The following DRAM2 variants were observed in gnomAD, a reference collection of about 807,000 sequenced individuals.
DRAM2 encodes the protein DNA damage regulated autophagy modulator 2.
In DRAM2, 26 loss-of-function variants were observed where a neutral mutation model predicts 33.5. The observed-to-expected ratio is 0.78, with a 90% CI of 0.57 to 1.08. DRAM2 has a LOEUF of 1.08. Ranked by LOEUF, DRAM2 falls within the 50% of genes least tolerant of loss-of-function variation. The pLI is 0.00. For synonymous variants in DRAM2, 98 were observed against 109.5 expected, an observed-to-expected ratio of 0.89 and a Z score of 0.66; for missense variants, 311 against 318.1, an observed-to-expected ratio of 0.98 and a Z score of 0.17.
chr1:111,126,346 A>G, intron 4 of DRAM2, 52 bp from the exon 5 acceptor site: 1 of 1,058,168 alleles, frequency 9.5e-7, no homozygotes, highest in Non-Finnish European at 1.5e-6. Context: ...ATAAACACAT[A>G]TATTTCTTCT....
intron 5 of DRAM2, 141 bp from the exon 6 acceptor site, chr1:111,125,022 A>C: frequency 1.2e-6 from 1 of 822,330 alleles, no homozygotes; most frequent in Non-Finnish European, 1.8e-6. Flanking sequence ...AAAAAGAAAA[A>C]AAAAAACAAA....
At chr1:111,132,090 A>C (rs1478567834) in intron 3 of DRAM2, among the ~76,000 whole-genome samples, 1 of 152,222 alleles carries the variant, frequency 6.6e-6, no homozygotes, top group East Asian at 1.9e-4. Context: ...CACAGGAAAG[A>C]CCAAGGCATA....
At chr1:111,133,877 C>T (rs1339292150) in intron 3 of DRAM2, among the ~76,000 whole-genome samples, 3 of 152,214 alleles carry the variant, frequency 2.0e-5, no homozygotes, top group Admixed American at 6.5e-5. Flanking sequence ...CTCAATCTTT[C>T]CAGCTTCAGC....
intron 3 of DRAM2, among the ~76,000 whole-genome samples, chr1:111,133,060 C>T (rs964000797): frequency 6.6e-6 from 1 of 152,112 alleles, no homozygotes; most frequent in Non-Finnish European, 1.5e-5. Context: ...AGTAATCCTT[C>T]TAACTTCAAA....
At chr1:111,128,636 C>T (rs2101065980) in intron 4 of DRAM2, among the ~76,000 whole-genome samples, 1 of 152,264 alleles carries the variant, frequency 6.6e-6, no homozygotes, top group East Asian at 1.9e-4. Flanking sequence ...TGCTTTAAAT[C>T]ATCTCTAGAT....
rs1458063074 is a variant in DRAM2 at position 111,120,665 on chromosome 1, C to T, written c.368G>A (p.Ser123Asn). 2 of 1,573,292 alleles carry T rather than the reference C, an allele frequency of 1.3e-6. No homozygotes were observed. The highest frequency in any genetic ancestry group is 2.4e-5 in the South Asian group (2 of 84,854). The change falls in exon 7 of 10, where the codon AGT (serine) becomes AAT (asparagine). Residue 123 changes from serine (S) to asparagine (N), a missense_variant. Physicochemically the swap from Ser to Asn is conservative, Grantham distance 46 (BLOSUM62 1). Transcript: ENST00000484310. ...CATACCAAAGGTAAGCACAGCTCCACTTACATGTGCAGCAAAAAGGGTTGT... is the reference window on the plus strand; with the variant it reads ...CATACCAAAGGTAAGCACAGCTCCATTTACATGTGCAGCAAAAAGGGTTGT... ...QKTTLFAAHV[S>N]GAVLTFGMGS...
intron 4 of DRAM2, among the ~76,000 whole-genome samples, chr1:111,128,912 C>T (rs774629693): frequency 2.6e-5 from 4 of 152,114 alleles, no homozygotes; most frequent in African/African-American, 4.8e-5. Context: ...ATGTACCTTC[C>T]GGAGTTACTA....
intron 6 of DRAM2, among the ~76,000 whole-genome samples, chr1:111,123,240 G>A (rs959877824): frequency 6.6e-6 from 1 of 152,102 alleles, no homozygotes; most frequent in South Asian, 2.1e-4. Context: ...GTGGCTGCTG[G>A]GAACTAATGT....
chr1:111,128,747 C>T (rs1651506225), intron 4 of DRAM2, among the ~76,000 whole-genome samples: 2 of 152,074 alleles, frequency 1.3e-5, no homozygotes, highest in Admixed American at 6.5e-5. Flanking sequence ...AATTTCTTTC[C>T]CCAGAACATT....
chr1:111,123,105 A>C lies in DRAM2; in HGVS notation c.339+1637T>G, dbSNP rs530758340. On this transcript the variant is annotated intron_variant, in intron 6 of 9. Coordinates refer to ENST00000484310, the MANE Select transcript of DRAM2 (RefSeq NM_001349884.2). ...CAGACAATCACCATCCTCACACTGA[A>C]ATTCTCCAAAACATTTTTTAATAAT... Among the ~76,000 whole-genome samples, 29 of 152,224 alleles carry C rather than the reference A, an allele frequency of 1.9e-4. No homozygotes were observed. The South Asian group carries it at 2.7e-3, about 14-fold the overall frequency.
chr1:111,135,373 C>T (rs1187933712), intron 3 of DRAM2, among the ~76,000 whole-genome samples: 2 of 152,164 alleles, frequency 1.3e-5, no homozygotes, highest in African/African-American at 2.4e-5. Flanking sequence ...TTGTGCTCTA[C>T]TTCTGCTATC....
At chr1:111,130,042 A>G (rs1184623304) in intron 4 of DRAM2, among the ~76,000 whole-genome samples, 1 of 145,430 alleles carries the variant, frequency 6.9e-6, no homozygotes, top group Non-Finnish European at 1.5e-5. Context: ...AATTTTAAAA[A>G]AAGAGGGTTA....
intron 6 of DRAM2, 140 bp from the exon 7 acceptor site, chr1:111,120,833 C>T (rs182528993): frequency 3.1e-6 from 2 of 635,452 alleles, no homozygotes; most frequent in African/African-American, 1.9e-5. Context: ...AAACAAATTA[C>T]TTTCTGAAGT....
At chr1:111,122,426 T>A (rs1462536463) in intron 6 of DRAM2, among the ~76,000 whole-genome samples, 2 of 152,074 alleles carry the variant, frequency 1.3e-5, no homozygotes, top group Admixed American at 6.6e-5. Flanking sequence ...CTTCAAAAAA[T>A]ATTCAAGAAG....
Position 111,117,765 on chromosome 1 carries a change from G to GTCTC in DRAM2, c.*394_*395insGAGA, listed in dbSNP as rs1649205276. On this transcript the variant is annotated 3_prime_UTR_variant, in exon 10 of 10. Coordinates refer to ENST00000484310, the MANE Select transcript of DRAM2 (RefSeq NM_001349884.2). ...TTTACTGACTAATGCTGATTATTTAGTCATGGAAAATGTCTCTCATAAAAG... is the reference window on the plus strand; with the variant it reads ...TTTACTGACTAATGCTGATTATTTAGTCTCTCATGGAAAATGTCTCTCATAAAAG... The GTCTC allele has an allele frequency of 5.5e-6, 1 of 181,890 alleles. No individual in the cohort carries two copies. The highest frequency in any genetic ancestry group is 1.2e-5 in the Non-Finnish European group (1 of 85,810). The allele number at this position is 181,890 out of a possible 1,614,324, so 11.3% of individuals were successfully genotyped here.
intron 2 of DRAM2, among the ~76,000 whole-genome samples, chr1:111,138,780 T>TA (rs987582570): frequency 3.8e-4 from 58 of 151,364 alleles, no homozygotes; most frequent in Middle Eastern, 3.4e-3. Context: ...GATACTCCAT[T>TA]AAAAAAAAAG....
rs772262465 is a variant in DRAM2 at position 111,124,835 on chromosome 1, A to C, written c.246T>G (p.Ser82Arg). The change falls in exon 6 of 10, where the codon AGT (serine) becomes AGG (arginine). Residue 82 changes from serine to arginine, a missense_variant. Ser to Arg is a moderately radical substitution (Grantham distance 110). Transcript: ENST00000484310. ...ATTTGATGATAACGTTCTCTTCAGG[A>C]CTCAGAGCATGAACTTGCTTATAAC... ...YVRYKQVHAL[S>R]PEENVIIKLN... 6.8e-6 allele frequency: 11 copies of C among 1,613,452 alleles called. No homozygotes were observed. The South Asian group carries it at 1.2e-4, about 18-fold the overall frequency.
chr1:111,123,046 A>G (rs1650331302), intron 6 of DRAM2, among the ~76,000 whole-genome samples: 1 of 152,164 alleles, frequency 6.6e-6, no homozygotes, highest in Non-Finnish European at 1.5e-5. Context: ...TTACCATAAA[A>G]GTGATGAGAA....
chr1:111,135,360 T>G (rs969326128), intron 3 of DRAM2, among the ~76,000 whole-genome samples: 2 of 152,200 alleles, frequency 1.3e-5, no homozygotes. Context: ...CACCTGTCCC[T>G]GATTGTGCTC....
Sources: gnomAD v4.1 joint callset for allele counts (sites outside exome capture counted in the v4.1 genomes callset) on GRCh38, gnomAD v4.1.1 for gene constraint, MANE v1.5 for transcripts, NCBI Gene and HGNC (gene_info 2026-07-23, HGNC 2026-07-21) for gene names.